MCTP1: variants seen among roughly 807,000 people sequenced by gnomAD.
The protein encoded by MCTP1 is multiple C2 and transmembrane domain containing 1, also known as multiple C2 and transmembrane domain-containing protein 1.
MCTP1 carries 69 observed loss-of-function variants against 120.6 expected under a neutral mutation model. The ratio of observed to expected loss-of-function variants is 0.57; its 90% confidence interval spans 0.47 to 0.70. The LOEUF (loss-of-function observed/expected upper bound fraction) is 0.70, where lower values mean the gene tolerates loss of function less well. Among genes scored for constraint, MCTP1 ranks in the 30% least tolerant of loss-of-function variants. The pLI is 0.00. For synonymous variants in MCTP1, 529 were observed against 493.1 expected (o/e 1.07, Z -0.96); for missense variants, 1,203 against 1,248.8 (o/e 0.96, Z 0.55).
chr5:95,177,642 C>T (rs71630704), intron 1 of MCTP1, among the ~76,000 whole-genome samples: 25,263 of 152,148 alleles, frequency 0.17, 2,612 homozygotes, highest in Non-Finnish European at 0.22. Context: ...AAAGGAGTAA[C>T]GTGATTGGTC....
intron 1 of MCTP1, among the ~76,000 whole-genome samples, chr5:95,213,955 C>A (rs1271113959): frequency 6.6e-6 from 1 of 152,012 alleles, no homozygotes; most frequent in Non-Finnish European, 1.5e-5. Context: ...TAGGCATGGG[C>A]AAGGACTTCA....
At chr5:94,848,739 C>T (rs1793036685) in intron 17 of MCTP1, among the ~76,000 whole-genome samples, 1 of 151,756 alleles carries the variant, frequency 6.6e-6, no homozygotes, top group Non-Finnish European at 1.5e-5. Context: ...ATAAGATGCA[C>T]TGTATTGCTA....
At chr5:94,927,754 A>C (rs546668897) in intron 6 of MCTP1, among the ~76,000 whole-genome samples, 288 of 152,318 alleles carry the variant, frequency 1.9e-3, no homozygotes, top group Admixed American at 3.4e-3. Flanking sequence ...TGTGTCATCC[A>C]AGGTGTCAGG....
In MCTP1 at chr5:94,923,992, A is replaced by C. The variant is rs1268644738; in HGVS notation, c.1242T>G (p.Ser414=). The C allele has an allele frequency of 4.6e-6, 7 of 1,519,252 alleles. No homozygotes were observed. The Admixed American group carries it at 1.7e-4, about 36-fold the overall frequency. 94.1% of individuals were successfully genotyped at this position (1,519,252 alleles called of 1,614,324 possible). ...AAAAGAGAGACTTCACAGAGAAATAAGATCCAACCACTTCATTTTCTGAAA... is the reference window on the plus strand; with the variant it reads ...AAAAGAGAGACTTCACAGAGAAATACGATCCAACCACTTCATTTTCTGAAA... ...KELSENEVVG[S]YFSVKSLFWR... is the part of the protein sequence containing the mutation. The change falls in exon 7 of 23, where the codon TCT becomes TCG. Residue 414 remains serine (S), a synonymous_variant. Transcript: ENST00000515393.
rs35248317 is a variant in MCTP1 at position 95,140,693 on chromosome 5, TAAAAAAAAAAAAAAAAA to T, written c.721-123226_721-123210del. ...TAACACCGTGAAACCCTGTCCCTAC[TAAAAAAAAAAAAAAAAA>T]AAAAAAAAAAAAAAAAAAAATTAGC... On this transcript the variant is annotated intron_variant, in intron 1 of 22. Transcript: ENST00000515393. Among the ~76,000 whole-genome samples the T allele has an allele frequency of 7.5e-3, 207 of 27,634 alleles. 3 individuals are homozygous for T. Among genetic ancestry groups the T allele is most frequent in the African/African-American group, 0.02 (195 of 9,694 alleles). The allele number at this position is 27,634 out of a possible 152,430, so 18.1% of individuals were successfully genotyped here. A position where few individuals can be genotyped will look rare whatever the true frequency, so the allele number is the denominator to read the frequency against.
intron 1 of MCTP1, among the ~76,000 whole-genome samples, chr5:95,199,763 GC>G (rs752764534): frequency 7.2e-5 from 11 of 152,018 alleles, no homozygotes; most frequent in Non-Finnish European, 1.6e-4. Context: ...GGAGGCTGGG[GC>G]AAGAGAATTG....
At chr5:95,241,335 G>T (rs960611470) in intron 1 of MCTP1, among the ~76,000 whole-genome samples, 1 of 152,096 alleles carries the variant, frequency 6.6e-6, no homozygotes, top group Non-Finnish European at 1.5e-5. Flanking sequence ...TGTCATATTT[G>T]TAACTCAACT....
chr5:94,757,896 C>A (rs1480163410), intron 19 of MCTP1, among the ~76,000 whole-genome samples: 1 of 152,122 alleles, frequency 6.6e-6, no homozygotes, highest in Non-Finnish European at 1.5e-5. Flanking sequence ...CATGAGTGCA[C>A]AGGGAAACAG....
chr5:95,224,032 T>C (rs190503442), intron 1 of MCTP1, among the ~76,000 whole-genome samples: 2 of 152,282 alleles, frequency 1.3e-5, no homozygotes, highest in South Asian at 4.1e-4. Flanking sequence ...GGAAACCCCA[T>C]GCCAACTTTG....
At chr5:95,039,003 G>A (rs1841850487) in intron 1 of MCTP1, among the ~76,000 whole-genome samples, 1 of 147,870 alleles carries the variant, frequency 6.8e-6, no homozygotes, top group Non-Finnish European at 1.5e-5. Context: ...GGTTCTGGTA[G>A]TTTTTTTTTT....
chr5:95,180,620 C>A (rs1418096340), intron 1 of MCTP1, among the ~76,000 whole-genome samples: 2 of 152,090 alleles, frequency 1.3e-5, no homozygotes, highest in Non-Finnish European at 2.9e-5. Flanking sequence ...TAGTCCTTAA[C>A]CTCTTACTGT....
At chr5:94,796,743 T>A (rs1294637528) in intron 18 of MCTP1, among the ~76,000 whole-genome samples, 1 of 151,252 alleles carries the variant, frequency 6.6e-6, no homozygotes, top group African/African-American at 2.4e-5. Flanking sequence ...CACAGCTGGA[T>A]ATGCCAGCAA....
intron 1 of MCTP1, among the ~76,000 whole-genome samples, chr5:95,043,937 A>G (rs943349169): frequency 1.3e-5 from 2 of 152,194 alleles, no homozygotes; most frequent in African/African-American, 2.4e-5. Flanking sequence ...TAAGCACTGT[A>G]TGCTCACACA....
chr5:95,040,086 A>C (rs1842074561), intron 1 of MCTP1, among the ~76,000 whole-genome samples: 1 of 152,122 alleles, frequency 6.6e-6, no homozygotes, highest in South Asian at 2.1e-4. Flanking sequence ...AAAATATACA[A>C]TTCATCTTGG....
intron 3 of MCTP1, among the ~76,000 whole-genome samples, chr5:94,948,479 T>C (rs1819679593): frequency 6.6e-6 from 1 of 152,160 alleles, no homozygotes; most frequent in Non-Finnish European, 1.5e-5. Context: ...GGGTCCAAAA[T>C]AGTGGAAATT....
intron 19 of MCTP1, among the ~76,000 whole-genome samples, chr5:94,772,810 T>C (rs1456837215): frequency 2.0e-5 from 3 of 152,184 alleles, no homozygotes; most frequent in Non-Finnish European, 4.4e-5. Context: ...ACAATACCCC[T>C]TCCCCCGGAA....
intron 1 of MCTP1, among the ~76,000 whole-genome samples, chr5:95,235,866 T>C (rs533392973): frequency 2.6e-5 from 4 of 152,206 alleles, no homozygotes; most frequent in Admixed American, 6.5e-5. Flanking sequence ...GAGAACCTAG[T>C]TGAGCCTCCC....
chr5:95,076,351 C>A (rs1753562271), intron 1 of MCTP1, among the ~76,000 whole-genome samples: 1 of 151,382 alleles, frequency 6.6e-6, no homozygotes, highest in South Asian at 2.1e-4. Flanking sequence ...TTTTCAAACT[C>A]CAGGTATGAG....
chr5:94,704,547 GAGTTTTTCTT>G lies in MCTP1; in HGVS notation c.*2939_*2948del. ...GGTCCCTAGATAAGCATTTACTTCTGAGTTTTTCTTCACTTTTAAATGCAGAATAAAAATT... is the reference window on the plus strand; with the variant it reads ...GGTCCCTAGATAAGCATTTACTTCTGCACTTTTAAATGCAGAATAAAAATT... On this transcript the variant is annotated 3_prime_UTR_variant, in exon 23 of 23. Transcript: ENST00000515393. The G allele has an allele frequency of 6.7e-6, 1 of 150,126 alleles. No homozygotes were observed. The highest frequency in any genetic ancestry group is 1.5e-5 in the Non-Finnish European group (1 of 67,530). 9.3% of individuals were successfully genotyped at this position (150,126 alleles called of 1,614,324 possible). A position where few individuals can be genotyped will look rare whatever the true frequency, so the allele number is the denominator to read the frequency against.
Sources: allele counts gnomAD v4.1 joint callset (sites outside exome capture counted in the v4.1 genomes callset), GRCh38; gene constraint gnomAD v4.1.1; transcripts MANE v1.5; gene names NCBI Gene and HGNC (gene_info 2026-07-23, HGNC 2026-07-21).